ZER1: variants seen among roughly 807,000 people sequenced by gnomAD.
The protein encoded by ZER1 is zyg-11 related cell cycle regulator.
A neutral mutation model predicts 78.8 loss-of-function variants in ZER1; 11 were observed. The observed-to-expected ratio is 0.14, with a 90% confidence interval of 0.09 to 0.23. The LOEUF (loss-of-function observed/expected upper bound fraction) is 0.23. Ranked by LOEUF, ZER1 falls within the 10% of genes least tolerant of loss-of-function variation. The pLI is 1.00. For synonymous variants in ZER1, 400 were observed against 407.0 expected (o/e 0.98, Z 0.21); for missense variants, 588 against 996.9 (o/e 0.59, Z 5.52).
Position 128,731,259 on chromosome 9 carries a change from C to G in ZER1, c.*78G>C. The G allele has an allele frequency of 6.8e-7, 1 of 1,473,688 alleles. No homozygotes were observed. Among genetic ancestry groups the G allele is most frequent in the South Asian group, 1.2e-5 (1 of 82,666 alleles). The allele number at this position is 1,473,688 out of a possible 1,614,324, so 91.3% of individuals were successfully genotyped here. A position where few individuals can be genotyped will look rare whatever the true frequency, so the allele number is the denominator to read the frequency against. ...CCGTGGGAGGCTCCCTCGGAAGGGG[C>G]CCGCCCGCTGGGCTGCTTGAGCATG... On this transcript the variant is annotated 3_prime_UTR_variant, in exon 16 of 16. Transcript: ENST00000291900.
chr9:128,734,668 C>T (rs1862998885), intron 14 of ZER1, among the ~76,000 whole-genome samples: 1 of 152,030 alleles, frequency 6.6e-6, no homozygotes, highest in Admixed American at 6.6e-5. Flanking sequence ...GTCACCCAAA[C>T]CAGTGAAACC....
chr9:128,742,855 C>T (rs1392266127), intron 8 of ZER1, 110 bp from the exon 9 acceptor site: 8 of 1,159,090 alleles, frequency 6.9e-6, no homozygotes, highest in African/African-American at 3.1e-5. Flanking sequence ...CAGTCCAGCC[C>T]GGTTTTCTGG....
intron 1 of ZER1, among the ~76,000 whole-genome samples, chr9:128,767,577 C>T (rs1589550757): frequency 6.6e-6 from 1 of 152,140 alleles, no homozygotes; most frequent in East Asian, 1.9e-4. Flanking sequence ...TATGATAATA[C>T]ATTATCATTT....
Position 128,751,597 on chromosome 9 carries a change from G to T in ZER1, c.924-70C>A. ...TGAGCTGGGCCTCCCCACTGGGGGT[G>T]GTGAGGCATTTCCTTGCTTTCTCTT... On this transcript the variant is annotated intron_variant, in intron 5 of 15. Transcript: ENST00000291900. The surrounding 1 kb of genome is among the most constrained non-coding windows in gnomAD (Gnocchi z 5.4). 1.5e-6 allele frequency: 2 copies of T among 1,337,954 alleles called. No individual in the cohort carries two copies. 82.9% of individuals were successfully genotyped at this position (1,337,954 alleles called of 1,614,324 possible). A position where few individuals can be genotyped will look rare whatever the true frequency, so the allele number is the denominator to read the frequency against.
chr9:128,760,327 C>T (rs1334654509), intron 1 of ZER1, among the ~76,000 whole-genome samples: 2 of 150,584 alleles, frequency 1.3e-5, no homozygotes, highest in Admixed American at 1.3e-4. Context: ...CCCAGCCTCC[C>T]GAGTAGCTGA....
At chr9:128,734,966 T>C (rs931170767) in intron 14 of ZER1, among the ~76,000 whole-genome samples, 8 of 152,114 alleles carry the variant, frequency 5.3e-5, no homozygotes, top group South Asian at 2.1e-4. Flanking sequence ...TCATAGGTCA[T>C]TGCAGCTGGA....
rs936495460 is a variant in ZER1 at position 128,755,561 on chromosome 9, G to A, written c.5C>T (p.Ala2Val). 9.9e-6 allele frequency: 16 copies of A among 1,611,408 alleles called. No homozygotes were observed. Among genetic ancestry groups the A allele is most frequent in the Non-Finnish European group, 1.2e-5 (14 of 1,177,876 alleles). ...CATCAGCGACTCGGGAGTGTCGGAC[G>A]CCATGCTGGGGGCAAGCAGGTGGGC... M[A>V]SDTPESLMAL... Residue 2 changes from alanine to valine, a missense_variant, in exon 2 of 16, where the codon GCG (alanine) becomes GTG (valine). Around this residue, in one of 3 missense-constraint regions of ZER1, gnomAD observed 406 missense variants for 660.1 expected, o/e 0.62. Transcript: ENST00000291900. This position sits in a 1 kb window ranked among gnomAD's most constrained non-coding sequence, Gnocchi z 5.6.
intron 1 of ZER1, among the ~76,000 whole-genome samples, chr9:128,757,480 C>A (rs1238024599): frequency 6.6e-6 from 1 of 151,680 alleles, no homozygotes; most frequent in African/African-American, 2.4e-5. Flanking sequence ...TGTGATTGCA[C>A]CACCGCGCTC....
Position 128,753,877 on chromosome 9 carries a change from G to A in ZER1, c.241C>T (p.Arg81Cys), listed in dbSNP as rs372997150. ...TCACGGAGGTGGATCCGCGTGAGGCGGGTGCTGCGGGGGTCCGAAAAGAGG... is the reference window on the plus strand; with the variant it reads ...TCACGGAGGTGGATCCGCGTGAGGCAGGTGCTGCGGGGGTCCGAAAAGAGG... The part of the protein sequence containing the change: ...FSLFSDPRST[R>C]LTRIHLREDL... The change falls in exon 3 of 16, where the codon CGC becomes TGC. Residue 81 changes from arginine to cysteine, a missense_variant. Around this residue, in one of 3 missense-constraint regions of ZER1, gnomAD observed 406 missense variants for 660.1 expected, o/e 0.62. Coordinates refer to ENST00000291900, the MANE Select transcript of ZER1 (RefSeq NM_006336.4). The surrounding 1 kb of genome is among the most constrained non-coding windows in gnomAD (Gnocchi z 7.5). 1.2e-6 allele frequency: 2 copies of A among 1,601,588 alleles called. No homozygotes were observed. Among genetic ancestry groups the A allele is most frequent in the Non-Finnish European group, 1.7e-6 (2 of 1,174,600 alleles).
rs1863326973 is a variant in ZER1 at position 128,742,241 on chromosome 9, G to A, written c.1575+289C>T. Among the ~76,000 whole-genome samples, 3 of 152,164 alleles carry A rather than the reference G, an allele frequency of 2.0e-5. 1 individual carries two copies. Among genetic ancestry groups the A allele is most frequent in the South Asian group, 4.1e-4 (2 of 4,832 alleles). ...CAAGAAGTGCTGGGGACACAATGAC[G>A]GAAGGACAGCATGGCATCTTTCCCT... On this transcript the variant is annotated intron_variant, in intron 9 of 15. Coordinates refer to ENST00000291900, the MANE Select transcript of ZER1 (RefSeq NM_006336.4).
At chr9:128,735,955 T>A (rs1252030271) in intron 13 of ZER1, among the ~76,000 whole-genome samples, 2 of 151,376 alleles carry the variant, frequency 1.3e-5, no homozygotes, top group Non-Finnish European at 2.9e-5. Flanking sequence ...TTTTTGCATT[T>A]TTTTTTCTTT....
At position 128,742,746 on chromosome 9, in the gene ZER1, C is replaced by T; in HGVS notation, c.1360-1G>A. The T allele has an allele frequency of 6.2e-7, 1 of 1,602,754 alleles. No individual in the cohort carries two copies. The highest frequency in any genetic ancestry group is 8.5e-7 in the Non-Finnish European group (1 of 1,175,192). ...GCGTCAGGCAGCAGTTCCGCTGCACCTGGGCCGGGACAGGACACAAGTGGG... is the reference window on the plus strand; with the variant it reads ...GCGTCAGGCAGCAGTTCCGCTGCACTTGGGCCGGGACAGGACACAAGTGGG... On this transcript the variant is annotated splice_acceptor_variant, in intron 8 of 15. Transcript: ENST00000291900. LOFTEE classifies it high-confidence loss of function.
intron 1 of ZER1, among the ~76,000 whole-genome samples, chr9:128,759,681 G>A (rs930885648): frequency 6.6e-6 from 1 of 151,410 alleles, no homozygotes; most frequent in East Asian, 2.0e-4. Context: ...TGTAGTCCCA[G>A]CTACTTGGGA....
intron 5 of ZER1, among the ~76,000 whole-genome samples, chr9:128,752,029 T>C (rs550850609): frequency 6.6e-6 from 1 of 152,350 alleles, no homozygotes; most frequent in African/African-American, 2.4e-5. Context: ...GTAGTTCCCC[T>C]GTCGCTCCTC....
Position 128,742,719 on chromosome 9 carries a change from G to A in ZER1, c.1386C>T (p.Leu462=). ...GCTCCTCGGGGATGCTGAAGTTGCA[G>A]AGCGTCAGGCAGCAGTTCCGCTGCA... is the stretch of plus-strand genomic sequence containing the variant. ...VTVQRNCCLT[L]CNFSIPEELE... The change falls in exon 9 of 16, where the codon CTC becomes CTT. Residue 462 remains leucine (L), a synonymous_variant. Transcript: ENST00000291900. 6.2e-7 allele frequency: 1 copy of A among 1,612,904 alleles called. No individual in the cohort carries two copies. The highest frequency in any genetic ancestry group is 8.5e-7 in the Non-Finnish European group (1 of 1,179,548).
rs779646793 is a variant in ZER1 at position 128,735,760 on chromosome 9, G to GTTTTTTTTTTTTTTTTT, written c.2043-330_2043-329insAAAAAAAAAAAAAAAAA. On this transcript the variant is annotated intron_variant, in intron 13 of 15. Transcript: ENST00000291900. ...CTGGGAACAGAAGCACGTGTGACCT[G>GTTTTTTTTTTTTTTTTT]GTTTTTTTTTTTTTTTTTTTTTTTT... is the stretch of plus-strand genomic sequence containing the variant. Among the ~76,000 whole-genome samples the GTTTTTTTTTTTTTTTTT allele has an allele frequency of 9.9e-4, 16 of 16,194 alleles. 8 individuals are homozygous for GTTTTTTTTTTTTTTTTT. Among genetic ancestry groups the GTTTTTTTTTTTTTTTTT allele is most frequent in the African/African-American group, 1.6e-3 (10 of 6,066 alleles). The allele number at this position is 16,194 out of a possible 152,430, so 10.6% of individuals were successfully genotyped here.
chr9:128,750,547 C>T (rs530771246), intron 8 of ZER1, 69 bp downstream of exon 8: 18 of 1,564,120 alleles, frequency 1.2e-5, no homozygotes, highest in South Asian at 4.6e-5. Context: ...GGAGCCCTAG[C>T]GGGACGCAAG....
At chr9:128,734,386 G>A (rs534936113) in intron 14 of ZER1, among the ~76,000 whole-genome samples, 64 of 150,442 alleles carry the variant, frequency 4.3e-4, no homozygotes, top group Non-Finnish European at 8.4e-4. Context: ...TAGTAGAGAC[G>A]GGGTTTCACT....
At chr9:128,759,533 C>T (rs963701364) in intron 1 of ZER1, among the ~76,000 whole-genome samples, 9 of 151,964 alleles carry the variant, frequency 5.9e-5, no homozygotes, top group East Asian at 2.0e-4. Flanking sequence ...TGGTGGCTCA[C>T]GCCTGTAATC....
Sources: gnomAD v4.1 joint callset for allele counts (sites outside exome capture counted in the v4.1 genomes callset) on GRCh38, gnomAD v4.1.1 for gene constraint, gnomAD v4.1.1 regional missense constraint, Gnocchi (gnomAD v3.1) non-coding constraint, MANE v1.5 for transcripts, NCBI Gene and HGNC (gene_info 2026-07-23, HGNC 2026-07-21) for gene names.